The following PPP6R3 variants were observed in gnomAD, a reference collection of about 807,000 sequenced individuals.
The protein encoded by PPP6R3 is protein phosphatase 6 regulatory subunit 3, also known as serine/threonine-protein phosphatase 6 regulatory subunit 3.
A neutral mutation model predicts 110.7 loss-of-function variants in PPP6R3; 38 were observed. The ratio of observed to expected loss-of-function variants is 0.34; its 90% confidence interval spans 0.26 to 0.45. PPP6R3 has a LOEUF of 0.45. Among genes scored for constraint, PPP6R3 ranks in the 20% least tolerant of loss-of-function variants. PPP6R3 has a pLI of 1.00. For synonymous variants in PPP6R3, 369 were observed against 373.5 expected (o/e 0.99, Z 0.14); for missense variants, 870 against 1,062.4 (o/e 0.82, Z 2.52).
chr11:68,582,939 A>G, intron 14 of PPP6R3, 104 bp from the exon 15 acceptor site: 1 of 886,262 alleles, frequency 1.1e-6, no homozygotes, highest in African/African-American at 1.7e-5. Flanking sequence ...TTTTTCTGTT[A>G]CACGTTGAGA....
intron 1 of PPP6R3, among the ~76,000 whole-genome samples, chr11:68,494,707 A>T (rs1378943245): frequency 6.6e-6 from 1 of 152,136 alleles, no homozygotes; most frequent in Non-Finnish European, 1.5e-5. Context: ...TAAGCTTAAA[A>T]ATTATCCTCT....
intron 2 of PPP6R3, among the ~76,000 whole-genome samples, chr11:68,524,545 T>C (rs2099185982): frequency 6.6e-6 from 1 of 152,222 alleles, no homozygotes; most frequent in South Asian, 2.1e-4. Flanking sequence ...CATCGTAATA[T>C]TAGAACTTTC....
At chr11:68,541,354 A>G (rs1234785973) in intron 3 of PPP6R3, among the ~76,000 whole-genome samples, 1 of 152,192 alleles carries the variant, frequency 6.6e-6, no homozygotes, top group African/African-American at 2.4e-5. Context: ...TCAGCAGAGA[A>G]AAACAAGATC....
chr11:68,546,066 C>T (rs949212053), intron 4 of PPP6R3, among the ~76,000 whole-genome samples: 44 of 152,148 alleles, frequency 2.9e-4, no homozygotes, highest in African/African-American at 1.0e-3. Flanking sequence ...CTGTCCTATG[C>T]CAAGGCAAAG....
intron 14 of PPP6R3, among the ~76,000 whole-genome samples, chr11:68,581,239 C>A (rs181574329): frequency 5.9e-5 from 9 of 152,228 alleles, no homozygotes; most frequent in African/African-American, 2.2e-4. Flanking sequence ...TTTTAAATAT[C>A]TTCTAGTATT....
chr11:68,489,185 A>G (rs776440843), intron 1 of PPP6R3, among the ~76,000 whole-genome samples: 26 of 151,510 alleles, frequency 1.7e-4, no homozygotes, highest in Non-Finnish European at 3.2e-4. Flanking sequence ...CGCCCGGCTA[A>G]TTTTTTTGTA....
chr11:68,481,981 T>A (rs1320507770), intron 1 of PPP6R3, among the ~76,000 whole-genome samples: 1 of 152,016 alleles, frequency 6.6e-6, no homozygotes, highest in East Asian at 1.9e-4. Context: ...TGGTCAGAAG[T>A]GGGATAGAAC....
At chr11:68,564,127 C>T (rs1180866875) in intron 8 of PPP6R3, among the ~76,000 whole-genome samples, 176 bp from the exon 9 acceptor site, 2 of 152,176 alleles carry the variant, frequency 1.3e-5, no homozygotes, top group African/African-American at 2.4e-5. Flanking sequence ...GTTATAGAGT[C>T]TGAGCCTCAT....
At position 68,572,013 on chromosome 11, in the gene PPP6R3, AT is replaced by A. The variant is rs556453650; in HGVS notation, c.1343+921del. Among the ~76,000 whole-genome samples the A allele has an allele frequency of 1.1e-3, 165 of 145,840 alleles. 4 individuals carry two copies. The South Asian group carries it at 0.024, about 21-fold the overall frequency. On this transcript the variant is annotated intron_variant, in intron 12 of 23. Transcript: ENST00000393800. ...AGTCAGCCTTACTTTGTGAGGTTTGATTTTTTTTTTTTAAATCGTTTAATAA... is the reference window on the plus strand; with the variant it reads ...AGTCAGCCTTACTTTGTGAGGTTTGATTTTTTTTTTTAAATCGTTTAATAA...
intron 19 of PPP6R3, among the ~76,000 whole-genome samples, chr11:68,599,033 A>T (rs2099622488): frequency 6.6e-6 from 1 of 152,238 alleles, no homozygotes; most frequent in South Asian, 2.1e-4. Flanking sequence ...ATGAAGTCAG[A>T]TATCTTGGGG....
intron 1 of PPP6R3, among the ~76,000 whole-genome samples, chr11:68,490,449 G>T (rs528264760): frequency 6.6e-6 from 1 of 151,848 alleles, no homozygotes; most frequent in East Asian, 1.9e-4. Context: ...TCATTGCTTG[G>T]CTTTTTATTG....
intron 3 of PPP6R3, among the ~76,000 whole-genome samples, chr11:68,544,536 G>A (rs1250332184): frequency 2.6e-5 from 4 of 152,226 alleles, no homozygotes; most frequent in Admixed American, 2.0e-4. Flanking sequence ...CTCGCTGATC[G>A]TGGAGAAGGC....
At chr11:68,547,222 G>T (rs2153684424) in intron 4 of PPP6R3, among the ~76,000 whole-genome samples, 1 of 152,286 alleles carries the variant, frequency 6.6e-6, no homozygotes. Context: ...CTCTAATGGG[G>T]TGTGGCGGTG....
chr11:68,548,318 T>G, intron 5 of PPP6R3, 114 bp downstream of exon 5: 1 of 1,363,896 alleles, frequency 7.3e-7, no homozygotes, highest in Non-Finnish European at 9.9e-7. Context: ...AGCAGAGGGT[T>G]GTCTGGGGAG....
At chr11:68,571,976 A>C (rs771110505) in intron 12 of PPP6R3, among the ~76,000 whole-genome samples, 4 of 151,062 alleles carry the variant, frequency 2.6e-5, no homozygotes, top group Non-Finnish European at 4.4e-5. Context: ...GGAAAGCTAG[A>C]TGACTCTTGG....
At chr11:68,604,521 A>G (rs552648922) in intron 22 of PPP6R3, among the ~76,000 whole-genome samples, 15 of 152,350 alleles carry the variant, frequency 9.8e-5, no homozygotes, top group African/African-American at 3.4e-4. Context: ...TACAGTTGCT[A>G]TTTGTCTTCA....
chr11:68,609,450 T>G lies in PPP6R3; in HGVS notation c.2451-454T>G, dbSNP rs1457016446. ...GGCCCCAAAAGCAAAGTGCTTTAACTAAAGACTCATTCCTTCAAACAGGTT... is the reference window on the plus strand; with the variant it reads ...GGCCCCAAAAGCAAAGTGCTTTAACGAAAGACTCATTCCTTCAAACAGGTT... On this transcript the variant is annotated intron_variant, in intron 22 of 23. Coordinates refer to ENST00000393800, the MANE Select transcript of PPP6R3 (RefSeq NM_001164161.2). 21 of 848,808 alleles carry G rather than the reference T, an allele frequency of 2.5e-5. No homozygotes were observed. In the Admixed American group the frequency reaches 4.2e-4, roughly 17 times the overall value. The allele number at this position is 848,808 out of a possible 1,614,324, so 52.6% of individuals were successfully genotyped here.
Position 68,488,206 on chromosome 11 carries a change from A to G in PPP6R3, c.-158+27379A>G, listed in dbSNP as rs2098960591. On this transcript the variant is annotated intron_variant, in intron 1 of 23. Coordinates refer to ENST00000393800, the MANE Select transcript of PPP6R3 (RefSeq NM_001164161.2). ...TTGTTAACTTTTGATTAGAGTTAAC[A>G]TGATATATCTTTTTCCATCCCTTTC... Among the ~76,000 whole-genome samples the G allele has an allele frequency of 2.0e-5, 3 of 152,218 alleles. No homozygotes were observed. The South Asian group carries it at 6.2e-4, about 31-fold the overall frequency.
At chr11:68,586,635 C>T (rs1251183167) in intron 15 of PPP6R3, 1 of 152,238 alleles carries the variant, frequency 6.6e-6, no homozygotes, top group Non-Finnish European at 1.5e-5. Flanking sequence ...GTTTTGGGTT[C>T]TCTCTGTCTA....
Sources: allele counts gnomAD v4.1 joint callset (sites outside exome capture counted in the v4.1 genomes callset), GRCh38; gene constraint gnomAD v4.1.1; transcripts MANE v1.5; gene names NCBI Gene and HGNC (gene_info 2026-07-23, HGNC 2026-07-21).